Variants in IPO7 observed in about 807,000 individuals in gnomAD.
IPO7 encodes the protein importin-7.
A neutral mutation model predicts 136.4 loss-of-function variants in IPO7; 13 were observed. That is an observed-to-expected ratio of 0.10 (90% CI 0.06 to 0.15). IPO7 has a LOEUF of 0.15. Among genes scored for constraint, IPO7 ranks in the 10% least tolerant of loss-of-function variants. The pLI, the probability that IPO7 is intolerant of heterozygous loss-of-function variation, is 1.00. For missense variants in IPO7, 857 were observed against 1,240.6 expected (o/e 0.69, Z 4.65); for synonymous variants, 403 against 404.4 (o/e 1.00, Z 0.04).
chr11:9,389,517 C>T (rs191540969), intron 1 of IPO7, among the ~76,000 whole-genome samples: 18 of 152,306 alleles, frequency 1.2e-4, no homozygotes, highest in Admixed American at 3.9e-4. Flanking sequence ...ATAATCACCA[C>T]GTCACTGGCC....
chr11:9,411,945 G>C (rs1405932779), intron 4 of IPO7, among the ~76,000 whole-genome samples: 3 of 152,142 alleles, frequency 2.0e-5, no homozygotes, highest in African/African-American at 7.2e-5. Context: ...GGTGGGTGAT[G>C]GACCTGTGAT....
chr11:9,385,334 C>CAGTG (rs1214638852), intron 1 of IPO7, among the ~76,000 whole-genome samples: 2 of 152,162 alleles, frequency 1.3e-5, no homozygotes, highest in African/African-American at 4.8e-5. Flanking sequence ...CTGGGCTGAT[C>CAGTG]AGTGGCCTGC....
In IPO7 at chr11:9,422,990, A is replaced by G. The variant is rs1855155768; in HGVS notation, c.907-16A>G. The G allele has an allele frequency of 6.6e-7, 1 of 1,507,322 alleles. No homozygotes were observed. The highest frequency in any genetic ancestry group is 2.3e-5 in the East Asian group (1 of 43,850). The allele number at this position is 1,507,322 out of a possible 1,614,324, so 93.4% of individuals were successfully genotyped here. A position where few individuals can be genotyped will look rare whatever the true frequency, so the allele number is the denominator to read the frequency against. On this transcript the variant is annotated splice_polypyrimidine_tract_variant and intron_variant, in intron 8 of 24. Coordinates refer to ENST00000379719, the MANE Select transcript of IPO7 (RefSeq NM_006391.3). ...CTATTTGAACATTGATTTGTGATCG[A>G]AAATTTTTTTCCAAGGTTTTATTGA...
chr11:9,429,016 G>C lies in IPO7; in HGVS notation c.1426-15G>C, dbSNP rs1306328068. ...GGTAAGGTATCTACAGTAACTCACT[G>C]TGTTTTTACAAAAGGCTTGCTGGGT... On this transcript the variant is annotated splice_polypyrimidine_tract_variant and intron_variant, in intron 13 of 24. Transcript: ENST00000379719. The C allele has an allele frequency of 1.9e-6, 3 of 1,609,914 alleles. No individual in the cohort carries two copies. Among genetic ancestry groups the C allele is most frequent in the East Asian group, 4.5e-5 (2 of 44,850 alleles).
At chr11:9,434,906 G>A (rs772648184) in intron 18 of IPO7, 28 bp from the exon 19 acceptor site, 1 of 1,379,008 alleles carries the variant, frequency 7.3e-7, no homozygotes, top group Non-Finnish European at 1.0e-6. Flanking sequence ...TACTAAAGAT[G>A]TGTAACCGAT....
At chr11:9,399,747 G>A (rs1854767034) in intron 1 of IPO7, among the ~76,000 whole-genome samples, 1 of 152,160 alleles carries the variant, frequency 6.6e-6, no homozygotes, top group African/African-American at 2.4e-5. Flanking sequence ...AGCCTGAGAA[G>A]GAGAGAGACC....
chr11:9,390,502 C>T (rs1268405983), intron 1 of IPO7, among the ~76,000 whole-genome samples: 2 of 151,974 alleles, frequency 1.3e-5, no homozygotes, highest in Non-Finnish European at 2.9e-5. Context: ...AGAAATTAAG[C>T]AAAATATTTT....
rs1259253551 is a variant in IPO7, at chr11:9,447,748, T to A, written c.*2554T>A. On this transcript the variant is annotated 3_prime_UTR_variant, in exon 25 of 25. Transcript: ENST00000379719. ...ATAAATCACTTTTGTAAATGTAAGCTTTCTTTTTTTTTCTTGAAAAAGCCT... is the reference window on the plus strand; with the variant it reads ...ATAAATCACTTTTGTAAATGTAAGCATTCTTTTTTTTTCTTGAAAAAGCCT... 1 of 152,140 alleles carries A rather than the reference T, an allele frequency of 6.6e-6. No homozygotes were observed. The highest frequency in any genetic ancestry group is 2.4e-5 in the African/African-American group (1 of 41,438). The allele number at this position is 152,140 out of a possible 1,614,324, so 9.4% of individuals were successfully genotyped here.
chr11:9,425,378 A>G, intron 12 of IPO7, 116 bp downstream of exon 12: 1 of 682,274 alleles, frequency 1.5e-6, no homozygotes, highest in African/African-American at 1.8e-5. Context: ...ATGCTGAGGC[A>G]GGCAGATTGC....
At chr11:9,423,697 T>C (rs1590443552) in intron 9 of IPO7, 80 bp from the exon 10 acceptor site, 1 of 821,852 alleles carries the variant, frequency 1.2e-6, no homozygotes, top group Non-Finnish European at 2.0e-6. Context: ...AGTGTTACTT[T>C]GGTTTTAATA....
chr11:9,385,934 T>C (rs1166052260), intron 1 of IPO7, among the ~76,000 whole-genome samples: 2 of 152,246 alleles, frequency 1.3e-5, no homozygotes, highest in Non-Finnish European at 2.9e-5. Flanking sequence ...CTGCTGAATC[T>C]GCCAGCTTTA....
At chr11:9,404,395 G>A (rs1052927831) in intron 2 of IPO7, among the ~76,000 whole-genome samples, 1 of 151,634 alleles carries the variant, frequency 6.6e-6, no homozygotes, top group Non-Finnish European at 1.5e-5. Flanking sequence ...AACCTGGGAG[G>A]CGGAGCTTGC....
intron 2 of IPO7, 58 bp downstream of exon 2, chr11:9,403,429 C>A: frequency 1.5e-6 from 2 of 1,337,252 alleles, no homozygotes; most frequent in African/African-American, 1.5e-5. Context: ...GGTTCATAAT[C>A]GAATAGCAGA....
chr11:9,406,494 G>A (rs1262288512), intron 2 of IPO7, among the ~76,000 whole-genome samples: 3 of 152,042 alleles, frequency 2.0e-5, no homozygotes, highest in Non-Finnish European at 1.5e-5. Context: ...ATTACACTGG[G>A]AAATTGTTTT....
Position 9,442,100 on chromosome 11 carries a change from T to C in IPO7, c.2922T>C (p.Pro974=), listed in dbSNP as rs370218472. Residue 974 remains proline (P), a synonymous_variant, in exon 24 of 25, where the codon CCT becomes CCC. Transcript: ENST00000379719. ...TGATAGCTATTCAAAATCGTAATCC[T>C]GTGTGGTATCAGGCACTGACTCACG... ...AIFQTIQNRN[P]VWYQALTHGL... 5.2e-5 allele frequency: 82 copies of C among 1,584,496 alleles called. 1 individual carries two copies. In the African/African-American group the frequency reaches 8.3e-4, roughly 16 times the overall value.
intron 1 of IPO7, among the ~76,000 whole-genome samples, chr11:9,397,324 A>C (rs1167267380): frequency 2.5e-5 from 1 of 40,758 alleles, no homozygotes; most frequent in Non-Finnish European, 4.2e-5. Context: ...GTCTTTACTA[A>C]AAATAATTTA....
At chr11:9,400,041 G>A (rs1468854081) in intron 1 of IPO7, among the ~76,000 whole-genome samples, 2 of 152,150 alleles carry the variant, frequency 1.3e-5, no homozygotes, top group Non-Finnish European at 2.9e-5. Context: ...ATAAAATGGT[G>A]TAGTATTTGC....
intron 1 of IPO7, among the ~76,000 whole-genome samples, chr11:9,394,038 A>T (rs76111215): frequency 0.02 from 3,104 of 151,826 alleles, 103 homozygotes; most frequent in African/African-American, 0.069. Context: ...GTGCGCCACC[A>T]CGCCCAGCTA....
intron 1 of IPO7, 164 bp from the exon 2 acceptor site, chr11:9,403,125 TC>T: frequency 1.6e-6 from 1 of 639,830 alleles, no homozygotes; most frequent in Non-Finnish European, 2.8e-6. Context: ...GTCATCAAAT[TC>T]CTTAAAGTTC....
Sources: allele counts gnomAD v4.1 joint callset (sites outside exome capture counted in the v4.1 genomes callset), GRCh38; gene constraint gnomAD v4.1.1; transcripts MANE v1.5; gene names NCBI Gene and HGNC (gene_info 2026-07-23, HGNC 2026-07-21).